The following STK3 variants were observed in gnomAD, a reference collection of about 807,000 sequenced individuals.
STK3 encodes serine/threonine-protein kinase 3.
STK3 carries 41 observed loss-of-function variants against 58.0 expected under a neutral mutation model. The observed-to-expected ratio is 0.71, with a 90% CI of 0.55 to 0.92. The LOEUF is 0.92. Among genes scored for constraint, STK3 ranks in the 40% least tolerant of loss-of-function variants. STK3 has a pLI of 0.00. For synonymous variants in STK3, 170 were observed against 191.0 expected, an observed-to-expected ratio of 0.89 and a Z score of 0.91; for missense variants, 479 against 602.7, an observed-to-expected ratio of 0.79 and a Z score of 2.15.
At chr8:98,385,471 T>G (rs889662409) in intron 1 of STK3, among the ~76,000 whole-genome samples, 2 of 151,988 alleles carry the variant, frequency 1.3e-5, no homozygotes, top group Admixed American at 1.3e-4. Context: ...CTGAAAGAAC[T>G]AAGGGCCAAC....
At chr8:98,638,692 G>C (rs1015545402) in intron 6 of STK3, 1 of 152,284 alleles carries the variant, frequency 6.6e-6, no homozygotes, top group African/African-American at 2.4e-5. Context: ...TTCATATTAA[G>C]AGAAAACTGA....
chr8:98,463,781 A>G (rs1820202396), intron 10 of STK3, among the ~76,000 whole-genome samples: 1 of 152,164 alleles, frequency 6.6e-6, no homozygotes, highest in Non-Finnish European at 1.5e-5. Context: ...TAATTACATG[A>G]GCGATTTTTA....
chr8:98,691,324 C>A (rs1824387392), intron 6 of STK3, among the ~76,000 whole-genome samples: 1 of 152,158 alleles, frequency 6.6e-6, no homozygotes, highest in South Asian at 2.1e-4. Context: ...CAGAACACAC[C>A]TATTGCATAA....
intron 6 of STK3, among the ~76,000 whole-genome samples, chr8:98,643,985 A>G (rs1820213643): frequency 6.6e-6 from 1 of 152,200 alleles, no homozygotes; most frequent in Admixed American, 6.5e-5. Context: ...ACTGCACTCC[A>G]GCATAGGCAA....
chr8:98,722,478 C>G (rs1294988684), intron 4 of STK3, among the ~76,000 whole-genome samples: 4 of 152,078 alleles, frequency 2.6e-5, no homozygotes, highest in Non-Finnish European at 4.4e-5. Flanking sequence ...TTAGTGGACA[C>G]CATACAGCAG....
chr8:98,477,758 G>A (rs1821493132), intron 10 of STK3, among the ~76,000 whole-genome samples: 1 of 146,506 alleles, frequency 6.8e-6, no homozygotes, highest in Non-Finnish European at 1.5e-5. Flanking sequence ...GAGAGGGAAG[G>A]GAAAGGACAC....
intron 1 of STK3, chr8:98,782,524 C>T: frequency 3.1e-6 from 1 of 323,228 alleles, no homozygotes; most frequent in Non-Finnish European, 6.2e-6. Context: ...CAGAGGCCTG[C>T]TGGTCTAAGA....
At chr8:98,470,862 T>C (rs1261407042) in intron 10 of STK3, among the ~76,000 whole-genome samples, 1 of 152,194 alleles carries the variant, frequency 6.6e-6, no homozygotes, top group African/African-American at 2.4e-5. Context: ...GTGTTGAATA[T>C]TTGGTAACAA....
intron 3 of STK3, among the ~76,000 whole-genome samples, chr8:98,754,829 T>C (rs989580140): frequency 1.3e-5 from 2 of 152,118 alleles, no homozygotes; most frequent in African/African-American, 4.8e-5. Flanking sequence ...TCTTTAAATA[T>C]GAATGTTCTC....
At chr8:98,745,961 T>C (rs1829616388) in intron 4 of STK3, among the ~76,000 whole-genome samples, 3 of 152,252 alleles carry the variant, frequency 2.0e-5, no homozygotes, top group East Asian at 1.9e-4. Context: ...TACAGAATGC[T>C]GTAGGCAGCA....
chr8:98,632,855 C>A (rs1819360751), intron 6 of STK3, among the ~76,000 whole-genome samples: 1 of 152,228 alleles, frequency 6.6e-6, no homozygotes, highest in South Asian at 2.1e-4. Context: ...AGAGAATATT[C>A]TTTCCTTCAA....
Position 98,823,205 on chromosome 8 carries a change from G to A in STK3, c.26+2310C>T, listed in dbSNP as rs1835021352. Among the ~76,000 whole-genome samples, 3 of 152,188 alleles carry A rather than the reference G, an allele frequency of 2.0e-5. No homozygotes were observed. In the South Asian group the frequency reaches 6.2e-4, roughly 32 times the overall value. ...TGACAAACTAGATGGGATAATGAAA[G>A]AGTAAGACCTACCTGAAAAAATAAA... On this transcript the variant is annotated intron_variant, in intron 1 of 10. Coordinates refer to ENST00000419617, the MANE Select transcript of STK3 (RefSeq NM_006281.4).
chr8:98,893,123 C>T (rs182787447), intron 1 of STK3, among the ~76,000 whole-genome samples: 7 of 152,190 alleles, frequency 4.6e-5, no homozygotes, highest in Admixed American at 4.6e-4. Context: ...CACGGTGGCT[C>T]ATGCCTGTAA....
intron 6 of STK3, among the ~76,000 whole-genome samples, chr8:98,656,100 G>C (rs1405856987): frequency 6.6e-6 from 1 of 152,190 alleles, no homozygotes; most frequent in Non-Finnish European, 1.5e-5. Flanking sequence ...GTCCAACAAT[G>C]ATAGACTGGA....
At chr8:98,756,987 G>T (rs1056338235) in intron 3 of STK3, among the ~76,000 whole-genome samples, 2 of 151,990 alleles carry the variant, frequency 1.3e-5, no homozygotes, top group African/African-American at 4.8e-5. Flanking sequence ...CCCTTCCCAG[G>T]GAAACCACAC....
intron 10 of STK3, among the ~76,000 whole-genome samples, chr8:98,484,667 A>T (rs1252941689): frequency 6.6e-6 from 1 of 152,166 alleles, no homozygotes; most frequent in Non-Finnish European, 1.5e-5. Flanking sequence ...AAGAAAAGAA[A>T]AAAAGTAAAT....
intron 2 of STK3, among the ~76,000 whole-genome samples, chr8:98,372,181 T>C (rs1316157809): frequency 2.0e-5 from 3 of 152,204 alleles, no homozygotes; most frequent in Admixed American, 1.3e-4. Flanking sequence ...TCTCAGACTC[T>C]GGGTCTTAGA....
intron 1 of STK3, among the ~76,000 whole-genome samples, chr8:98,911,392 T>C (rs1326542769): frequency 6.6e-6 from 1 of 152,040 alleles, no homozygotes; most frequent in Non-Finnish European, 1.5e-5. Context: ...TTGTATTTAT[T>C]TATTTATTTA....
At chr8:98,464,850 AC>A (rs970641902) in intron 10 of STK3, among the ~76,000 whole-genome samples, 2 of 151,870 alleles carry the variant, frequency 1.3e-5, no homozygotes, top group Admixed American at 1.3e-4. Flanking sequence ...CTACTGGCAG[AC>A]CCCCCTTCCC....
Sources: allele counts gnomAD v4.1 joint callset (sites outside exome capture counted in the v4.1 genomes callset), GRCh38; gene constraint gnomAD v4.1.1; transcripts MANE v1.5; gene names NCBI Gene and HGNC (gene_info 2026-07-23, HGNC 2026-07-21).